Variants in PPM1D observed in about 807,000 individuals in gnomAD.
PPM1D encodes the protein protein phosphatase, Mg2+/Mn2+ dependent 1D.
A neutral mutation model predicts 58.3 loss-of-function variants in PPM1D; 52 were observed. That is an observed-to-expected ratio of 0.89 (90% CI 0.71 to 1.12). The LOEUF is 1.12. PPM1D is among the 50% of genes most tolerant of loss of function. The pLI is 0.00. For synonymous variants in PPM1D, 278 were observed against 285.1 expected, an observed-to-expected ratio of 0.98 and a Z score of 0.25; for missense variants, 564 against 777.2, an observed-to-expected ratio of 0.73 and a Z score of 3.26.
chr17:60,619,909 T>G (rs552492587), intron 1 of PPM1D, among the ~76,000 whole-genome samples: 1 of 152,360 alleles, frequency 6.6e-6, no homozygotes, highest in East Asian at 1.9e-4. Context: ...TCTGTTCATA[T>G]ACTTGTTGCC....
intron 1 of PPM1D, among the ~76,000 whole-genome samples, chr17:60,614,436 C>T (rs1379535212): frequency 2.6e-5 from 4 of 152,142 alleles, no homozygotes; most frequent in Admixed American, 6.5e-5. Flanking sequence ...GTAAATGCAC[C>T]AATCAGCACC....
chr17:60,645,584 GTGTGTATATA>G (rs2031231641), intron 3 of PPM1D, among the ~76,000 whole-genome samples: 1 of 134,364 alleles, frequency 7.4e-6, no homozygotes, highest in African/African-American at 3.0e-5. Context: ...ATATATATAT[GTGTGTATATA>G]TATGTATATA....
intron 5 of PPM1D, 31 bp from the exon 6 acceptor site, chr17:60,662,964 T>C (rs753889831): frequency 2.9e-5 from 45 of 1,550,218 alleles, no homozygotes; most frequent in Middle Eastern, 1.7e-4. Context: ...GATAAATTTT[T>C]TCTTATTTGT....
chr17:60,658,993 C>A (rs1239944700), intron 5 of PPM1D, among the ~76,000 whole-genome samples: 1 of 151,434 alleles, frequency 6.6e-6, no homozygotes. Flanking sequence ...TGATAATGAC[C>A]TAATAATACT....
intron 5 of PPM1D, among the ~76,000 whole-genome samples, chr17:60,660,578 T>C (rs550022562): frequency 5.9e-5 from 9 of 152,124 alleles, no homozygotes; most frequent in African/African-American, 2.2e-4. Flanking sequence ...CTGGCCAACA[T>C]GGTGAAACCC....
At chr17:60,657,280 C>T (rs568564849) in intron 5 of PPM1D, among the ~76,000 whole-genome samples, 1 of 152,216 alleles carries the variant, frequency 6.6e-6, no homozygotes, top group African/African-American at 2.4e-5. Flanking sequence ...GACGTTACAA[C>T]TGGTTGTCTG....
At chr17:60,659,033 T>A (rs1427918978) in intron 5 of PPM1D, among the ~76,000 whole-genome samples, 2 of 152,222 alleles carry the variant, frequency 1.3e-5, no homozygotes, top group Non-Finnish European at 2.9e-5. Flanking sequence ...GACGTATGTT[T>A]GCCATATGCA....
At position 60,613,911 on chromosome 17, in the gene PPM1D, C is replaced by A. The variant is rs374639298; in HGVS notation, c.473-9610C>A. Among the ~76,000 whole-genome samples the A allele has an allele frequency of 4.4e-4, 66 of 149,530 alleles. 1 individual carries two copies. The East Asian group carries it at 8.2e-3, about 19-fold the overall frequency. On this transcript the variant is annotated intron_variant, in intron 1 of 5. Coordinates refer to ENST00000305921, the MANE Select transcript of PPM1D (RefSeq NM_003620.4). ...TGAGGCCCCCCCCCCGCCACCCCCC[C>A]GCCTCACACAGCCCAAGCCTCCCCG...
At chr17:60,638,967 CATTTT>C (rs1430059447) in intron 3 of PPM1D, among the ~76,000 whole-genome samples, 3 of 152,084 alleles carry the variant, frequency 2.0e-5, no homozygotes, top group Non-Finnish European at 4.4e-5. Flanking sequence ...TCTTGCAAAT[CATTTT>C]ATTCACTGGG....
intron 5 of PPM1D, among the ~76,000 whole-genome samples, chr17:60,660,686 G>A (rs768244240): frequency 2.6e-5 from 4 of 151,516 alleles, no homozygotes; most frequent in South Asian, 2.1e-4. Flanking sequence ...GCTTGAACCC[G>A]GGAGGCAGAG....
chr17:60,642,352 A>ATTT (rs760188816), intron 3 of PPM1D, among the ~76,000 whole-genome samples: 1,867 of 124,814 alleles, frequency 0.015, 66 homozygotes, highest in African/African-American at 0.054. Flanking sequence ...AGAAGAATGG[A>ATTT]TTTTTTTTTT....
At position 60,634,891 on chromosome 17, in the gene PPM1D, C is replaced by G. The variant is rs542335287; in HGVS notation, c.826+914C>G. On this transcript the variant is annotated intron_variant, in intron 3 of 5. Coordinates refer to ENST00000305921, the MANE Select transcript of PPM1D (RefSeq NM_003620.4). ...TACCTCCCAGGCTCAAGTGATCCTC[C>G]CACGTTAGCCTCCCGAGTAACTGGG... is the stretch of plus-strand genomic sequence containing the variant. Among the ~76,000 whole-genome samples the G allele has an allele frequency of 3.3e-5, 5 of 152,232 alleles. No individual in the cohort carries two copies. The South Asian group carries it at 8.3e-4, about 25-fold the overall frequency.
chr17:60,633,600 ATACT>A (rs200815574), intron 2 of PPM1D, among the ~76,000 whole-genome samples: 2,243 of 151,862 alleles, frequency 0.015, 36 homozygotes, highest in Non-Finnish European at 0.022. Context: ...CATGGTATTT[ATACT>A]TACTTTTCTT....
chr17:60,605,948 G>A (rs545306964), intron 1 of PPM1D, among the ~76,000 whole-genome samples: 1 of 152,194 alleles, frequency 6.6e-6, no homozygotes, highest in African/African-American at 2.4e-5. Flanking sequence ...CCATTTTTAG[G>A]TATATAATTT....
intron 3 of PPM1D, among the ~76,000 whole-genome samples, chr17:60,641,840 A>G (rs1272354435): frequency 6.6e-6 from 1 of 152,220 alleles, no homozygotes. Flanking sequence ...TGATAGGTGT[A>G]AGGACCACTG....
intron 1 of PPM1D, among the ~76,000 whole-genome samples, chr17:60,613,001 A>T (rs2030491737): frequency 6.6e-6 from 1 of 152,162 alleles, no homozygotes; most frequent in Non-Finnish European, 1.5e-5. Flanking sequence ...AGGTGCTCCA[A>T]AGTCTTGCAC....
intron 5 of PPM1D, among the ~76,000 whole-genome samples, chr17:60,657,537 A>G (rs1346770889): frequency 1.3e-5 from 2 of 152,178 alleles, no homozygotes; most frequent in African/African-American, 4.8e-5. Context: ...CAGTAGACTG[A>G]CCATTAAAAT....
At chr17:60,656,518 A>T in intron 4 of PPM1D, 81 bp from the exon 5 acceptor site, 2 of 1,527,148 alleles carry the variant, frequency 1.3e-6, no homozygotes, top group Non-Finnish European at 1.8e-6. Flanking sequence ...GCGAACACCA[A>T]ATATTTAATT....
chr17:60,636,989 A>G (rs1434067891), intron 3 of PPM1D, among the ~76,000 whole-genome samples: 2 of 129,420 alleles, frequency 1.5e-5, no homozygotes, highest in African/African-American at 5.5e-5. Context: ...TTTTTTTTAG[A>G]CAGAATTTCG....
Sources: allele counts gnomAD v4.1 joint callset (sites outside exome capture counted in the v4.1 genomes callset), GRCh38; gene constraint gnomAD v4.1.1; transcripts MANE v1.5; gene names NCBI Gene and HGNC (gene_info 2026-07-23, HGNC 2026-07-21).